The following PDE3A variants were observed in gnomAD, a reference collection of about 807,000 sequenced individuals.
The protein encoded by PDE3A is phosphodiesterase 3A.
Under a neutral mutation model 98.3 loss-of-function variants are expected in PDE3A, and 43 were observed. The observed-to-expected ratio is 0.44, with a 90% CI of 0.34 to 0.56. The LOEUF is 0.56. Among genes scored for constraint, PDE3A ranks in the 20% least tolerant of loss-of-function variants. The pLI is 0.01. For synonymous variants in PDE3A, 663 were observed against 567.9 expected, an observed-to-expected ratio of 1.17 and a Z score of -2.38; for missense variants, 1,427 against 1,440.7, an observed-to-expected ratio of 0.99 and a Z score of 0.15.
In PDE3A at chr12:20,682,813, T is replaced by A. The variant is rs1945828448; in HGVS notation, c.*2542T>A. ...TTTTCCCATTTTCCAAATGCGTCCA[T>A]CTCTAACATAAATATTAATTGAACA... On this transcript the variant is annotated 3_prime_UTR_variant, in exon 16 of 16. Coordinates refer to ENST00000359062, the MANE Select transcript of PDE3A (RefSeq NM_000921.5). 6.6e-6 allele frequency: 1 copy of A among 152,210 alleles called. No homozygotes were observed. The highest frequency in any genetic ancestry group is 2.4e-5 in the African/African-American group (1 of 41,470). The allele number at this position is 152,210 out of a possible 1,614,324, so 9.4% of individuals were successfully genotyped here.
In PDE3A at chr12:20,432,375, A is replaced by G. The variant is rs1256096132; in HGVS notation, c.960+62131A>G. Among the ~76,000 whole-genome samples, 3 of 152,130 alleles carry G rather than the reference A, an allele frequency of 2.0e-5. No individual in the cohort carries two copies. The East Asian group carries it at 5.8e-4, about 29-fold the overall frequency. ...TATGCAAGATGAGTAAGTTCTAAAG[A>G]TCTGTGTAGTATATTGCCTACAGTT... On this transcript the variant is annotated intron_variant, in intron 1 of 15. Coordinates refer to ENST00000359062, the MANE Select transcript of PDE3A (RefSeq NM_000921.5).
chr12:20,552,260 A>G lies in PDE3A; in HGVS notation c.961-4400A>G. ...GTGCGCAATGTCAAGGGTGGCAAGAATAGCAAGTACGCCCCCGCTGAGGGC... is the reference window on the plus strand; with the variant it reads ...GTGCGCAATGTCAAGGGTGGCAAGAGTAGCAAGTACGCCCCCGCTGAGGGC... On this transcript the variant is annotated intron_variant, in intron 1 of 15. Coordinates refer to ENST00000359062, the MANE Select transcript of PDE3A (RefSeq NM_000921.5). This position sits in a 1 kb window ranked among gnomAD's most constrained non-coding sequence, Gnocchi z 5.1. 1 of 1,613,982 alleles carries G rather than the reference A, an allele frequency of 6.2e-7. No homozygotes were observed. Among genetic ancestry groups the G allele is most frequent in the Admixed American group, 1.7e-5 (1 of 60,022 alleles).
At chr12:20,604,394 TTA>T (rs1943664998) in intron 2 of PDE3A, among the ~76,000 whole-genome samples, 1 of 152,168 alleles carries the variant, frequency 6.6e-6, no homozygotes, top group Admixed American at 6.5e-5. Flanking sequence ...AAACTTTCTC[TTA>T]TATCCCAACG....
At chr12:20,440,745 T>C (rs181787035) in intron 1 of PDE3A, among the ~76,000 whole-genome samples, 95 of 152,300 alleles carry the variant, frequency 6.2e-4, no homozygotes, top group Admixed American at 4.4e-3. Context: ...TCTTTATCCC[T>C]GTGGGATGAA....
chr12:20,492,123 C>T (rs553266208), intron 1 of PDE3A, among the ~76,000 whole-genome samples: 16 of 152,096 alleles, frequency 1.1e-4, no homozygotes, highest in Admixed American at 4.6e-4. Flanking sequence ...TGGGATTACA[C>T]GTGTGCATCA....
At chr12:20,443,510 TAA>T (rs1365411921) in intron 1 of PDE3A, among the ~76,000 whole-genome samples, 2 of 152,118 alleles carry the variant, frequency 1.3e-5, no homozygotes, top group African/African-American at 4.8e-5. Flanking sequence ...AAATCGAAAA[TAA>T]ATATCTGTTT....
At chr12:20,621,512 GAT>G in intron 5 of PDE3A, 101 bp downstream of exon 5, 2 of 657,752 alleles carry the variant, frequency 3.0e-6, no homozygotes, top group Non-Finnish European at 5.4e-6. Flanking sequence ...CCTATATTCA[GAT>G]ATGTTTGGTT....
At chr12:20,548,725 C>G (rs1942123125) in intron 1 of PDE3A, among the ~76,000 whole-genome samples, 1 of 152,178 alleles carries the variant, frequency 6.6e-6, no homozygotes, top group East Asian at 1.9e-4. Flanking sequence ...AAGGAAAATT[C>G]CACAGTTTCT....
chr12:20,519,978 A>G (rs1428972725), intron 1 of PDE3A, among the ~76,000 whole-genome samples: 1 of 152,150 alleles, frequency 6.6e-6, no homozygotes, highest in Non-Finnish European at 1.5e-5. Context: ...CCTCATTTCA[A>G]TGATGATGCA....
chr12:20,429,391 G>A (rs934123753), intron 1 of PDE3A, among the ~76,000 whole-genome samples: 1 of 152,132 alleles, frequency 6.6e-6, no homozygotes, highest in Non-Finnish European at 1.5e-5. Context: ...ATTGTTCCCT[G>A]GGAGAGTGCT....
At chr12:20,594,556 G>A (rs1592092008) in intron 2 of PDE3A, among the ~76,000 whole-genome samples, 3 of 150,988 alleles carry the variant, frequency 2.0e-5, no homozygotes, top group Non-Finnish European at 3.0e-5. Flanking sequence ...GCTGAGCCTG[G>A]TACCTGAGCA....
chr12:20,506,085 G>A (rs1276435325), intron 1 of PDE3A, among the ~76,000 whole-genome samples: 1 of 136,826 alleles, frequency 7.3e-6, no homozygotes, highest in East Asian at 2.1e-4. Flanking sequence ...GGAGCTATGG[G>A]AACTCTAAAG....
At position 20,369,820 on chromosome 12, in the gene PDE3A, G is replaced by A. The variant is rs1378614457; in HGVS notation, c.536G>A (p.Gly179Asp). 2 of 1,611,964 alleles carry A rather than the reference G, an allele frequency of 1.2e-6. No individual in the cohort carries two copies. The highest frequency in any genetic ancestry group is 1.7e-6 in the Non-Finnish European group (2 of 1,179,480). Residue 179 changes from glycine (G) to aspartate (D), a missense_variant, in exon 1 of 16, where the codon GGC becomes GAC. Gly to Asp is a moderately conservative substitution (Grantham distance 94). Around this residue, in one of 3 missense-constraint regions of PDE3A, gnomAD observed 1,012 missense variants for 886.5 expected, o/e 1.14. Transcript: ENST00000359062. ...GAAGCGCTCGTCCAGATTGGGCTGG[G>A]CGTCGGGGAGGATCACTTACTCTCA... is the stretch of plus-strand genomic sequence containing the variant. The part of the protein sequence containing the change: ...GGEALVQIGL[G>D]VGEDHLLSLP...
chr12:20,597,595 T>C (rs1199294249), intron 2 of PDE3A, among the ~76,000 whole-genome samples: 1 of 152,190 alleles, frequency 6.6e-6, no homozygotes. Flanking sequence ...AAGAACCACA[T>C]GGACAGATTC....
At chr12:20,598,018 G>GTTTC (rs1321777935) in intron 2 of PDE3A, among the ~76,000 whole-genome samples, 2 of 151,910 alleles carry the variant, frequency 1.3e-5, no homozygotes, top group Middle Eastern at 3.2e-3. Flanking sequence ...TTCTAACAGT[G>GTTTC]TTTCTTTAGA....
intron 15 of PDE3A, among the ~76,000 whole-genome samples, chr12:20,675,633 G>T (rs954152426): frequency 5.3e-5 from 8 of 152,056 alleles, no homozygotes; most frequent in Admixed American, 2.0e-4. Flanking sequence ...TTTAGTATCT[G>T]GTTGCTCTGG....
At chr12:20,673,765 G>A (rs1423778486) in intron 15 of PDE3A, among the ~76,000 whole-genome samples, 1 of 148,800 alleles carries the variant, frequency 6.7e-6, no homozygotes, top group Non-Finnish European at 1.5e-5. Context: ...GAGTTAGTGG[G>A]TGCAGTGCAC....
At position 20,552,001 on chromosome 12, in the gene PDE3A, T is replaced by C; in HGVS notation, c.961-4659T>C. 1.2e-6 allele frequency: 2 copies of C among 1,612,464 alleles called. No homozygotes were observed. The highest frequency in any genetic ancestry group is 1.7e-6 in the Non-Finnish European group (2 of 1,179,874). ...CCATGGCCGGAGCAACGACGGAGCG[T>C]ACTCCCTAGTCCTGGCGGGGGGCTA... On this transcript the variant is annotated intron_variant, in intron 1 of 15. Transcript: ENST00000359062. The surrounding 1 kb of genome is among the most constrained non-coding windows in gnomAD (Gnocchi z 5.1).
intron 1 of PDE3A, among the ~76,000 whole-genome samples, chr12:20,533,756 G>T (rs1453963789): frequency 1.3e-5 from 2 of 151,288 alleles, no homozygotes; most frequent in African/African-American, 4.9e-5. Context: ...AAAGTGCTGG[G>T]ATTACAGGCA....
Sources: gnomAD v4.1 joint callset for allele counts (sites outside exome capture counted in the v4.1 genomes callset) on GRCh38, gnomAD v4.1.1 for gene constraint, gnomAD v4.1.1 regional missense constraint, Gnocchi (gnomAD v3.1) non-coding constraint, MANE v1.5 for transcripts, NCBI Gene and HGNC (gene_info 2026-07-23, HGNC 2026-07-21) for gene names.